GRM3: variants seen among roughly 807,000 people sequenced by gnomAD.
GRM3 encodes the protein metabotropic glutamate receptor 3.
A neutral mutation model predicts 70.5 loss-of-function variants in GRM3; 26 were observed. That is an observed-to-expected ratio of 0.37 (90% CI 0.27 to 0.51). The LOEUF is 0.51. GRM3 is among the 20% of genes least tolerant of loss of function. The pLI is 0.93. For missense variants in GRM3, 859 were observed against 1,123.8 expected (o/e 0.76, Z 3.37); for synonymous variants, 443 against 434.9 (o/e 1.02, Z -0.23).
chr7:86,844,235 C>T (rs1221001613), intron 4 of GRM3, among the ~76,000 whole-genome samples: 1 of 152,158 alleles, frequency 6.6e-6, no homozygotes, highest in Non-Finnish European at 1.5e-5. Context: ...TGTGTCACCC[C>T]TACTTTGCTG....
At chr7:86,777,912 A>C (rs1258619961) in intron 2 of GRM3, among the ~76,000 whole-genome samples, 1 of 152,144 alleles carries the variant, frequency 6.6e-6, no homozygotes, top group Non-Finnish European at 1.5e-5. Flanking sequence ...AACATCACAA[A>C]TTCTAGAACT....
At chr7:86,760,902 A>G (rs945823612) in intron 1 of GRM3, among the ~76,000 whole-genome samples, 1 of 152,090 alleles carries the variant, frequency 6.6e-6, no homozygotes, top group African/African-American at 2.4e-5. Flanking sequence ...CCCCCAACTT[A>G]TTTTTATGGT....
intron 3 of GRM3, among the ~76,000 whole-genome samples, chr7:86,821,614 G>C (rs914011636): frequency 2.6e-5 from 4 of 152,148 alleles, no homozygotes; most frequent in Non-Finnish European, 1.5e-5. Flanking sequence ...GACTCCAGGG[G>C]AAAATGATGC....
intron 3 of GRM3, among the ~76,000 whole-genome samples, chr7:86,806,605 TA>T (rs1281000378): frequency 6.6e-6 from 1 of 152,160 alleles, no homozygotes; most frequent in Non-Finnish European, 1.5e-5. Flanking sequence ...TGTTTGATTT[TA>T]TTCTTGTAAA....
At chr7:86,722,993 C>A (rs531931267) in intron 1 of GRM3, among the ~76,000 whole-genome samples, 3 of 151,998 alleles carry the variant, frequency 2.0e-5, no homozygotes, top group Non-Finnish European at 4.4e-5. Context: ...CTGGAGTTGA[C>A]AATTCTTAGT....
intron 1 of GRM3, among the ~76,000 whole-genome samples, chr7:86,672,568 G>A (rs1232491990): frequency 1.3e-5 from 2 of 151,952 alleles, no homozygotes; most frequent in African/African-American, 4.8e-5. Context: ...CATCTCAAGT[G>A]GTTGCCTGGG....
At chr7:86,742,476 G>T (rs1377804503) in intron 1 of GRM3, among the ~76,000 whole-genome samples, 2 of 152,108 alleles carry the variant, frequency 1.3e-5, no homozygotes, top group African/African-American at 4.8e-5. Context: ...GAGTGAAAAG[G>T]TCCTGAAAGA....
chr7:86,822,468 T>G (rs1393694476), intron 3 of GRM3, among the ~76,000 whole-genome samples: 1 of 151,580 alleles, frequency 6.6e-6, no homozygotes, highest in South Asian at 2.1e-4. Flanking sequence ...AGGATGTGAG[T>G]GATTTTACAG....
At chr7:86,710,566 T>TGG (rs1171125332) in intron 1 of GRM3, among the ~76,000 whole-genome samples, 9 of 8,124 alleles carry the variant, frequency 1.1e-3, no homozygotes, top group African/African-American at 4.8e-3. Flanking sequence ...GTGTGTGTGG[T>TGG]GGGGGGTGGG....
At chr7:86,717,973 T>A (rs1168185338) in intron 1 of GRM3, among the ~76,000 whole-genome samples, 1 of 151,882 alleles carries the variant, frequency 6.6e-6, no homozygotes, top group African/African-American at 2.4e-5. Flanking sequence ...CTAAGGGTAT[T>A]TTATTGATGT....
chr7:86,705,422 CAG>C (rs1397013048), intron 1 of GRM3, among the ~76,000 whole-genome samples: 2 of 152,010 alleles, frequency 1.3e-5, no homozygotes, highest in Admixed American at 1.3e-4. Flanking sequence ...AATTTTGAGA[CAG>C]ACTCTTCACA....
chr7:86,676,077 A>T (rs1022856599), intron 1 of GRM3, among the ~76,000 whole-genome samples: 1 of 151,952 alleles, frequency 6.6e-6, no homozygotes, highest in South Asian at 2.1e-4. Context: ...AACAAAAAAA[A>T]ACCAAAAATA....
In GRM3 at chr7:86,787,058, G is replaced by A. The variant is rs773308323; in HGVS notation, c.1266G>A (p.Met422Ile). 2 of 1,612,938 alleles carry A rather than the reference G, an allele frequency of 1.2e-6. No homozygotes were observed. Among genetic ancestry groups the A allele is most frequent in the South Asian group, 1.1e-5 (1 of 91,072 alleles). Residue 422 changes from methionine (M) to isoleucine (I), a missense_variant, in exon 3 of 6, where the codon ATG becomes ATA. Met to Ile is a conservative substitution (Grantham distance 10). Transcript: ENST00000361669. ...CPNTTKLCDA[M>I]KILDGKKLYK... The stretch of plus-strand genomic sequence containing the variant: ...ACACTACCAAGCTTTGTGATGCTAT[G>A]AAGATCCTGGATGGGAAGAAGTTGT...
chr7:86,812,117 A>T (rs1198756397), intron 3 of GRM3, among the ~76,000 whole-genome samples: 1 of 151,818 alleles, frequency 6.6e-6, no homozygotes, highest in African/African-American at 2.4e-5. Context: ...GCAGTTTATT[A>T]GTTTGAAATG....
intron 1 of GRM3, among the ~76,000 whole-genome samples, chr7:86,753,419 A>G (rs1796275423): frequency 6.6e-6 from 1 of 152,166 alleles, no homozygotes; most frequent in Non-Finnish European, 1.5e-5. Flanking sequence ...AAACCCTAAC[A>G]CAGTGGCTTT....
chr7:86,747,665 A>C (rs571879842), intron 1 of GRM3, among the ~76,000 whole-genome samples: 36 of 152,198 alleles, frequency 2.4e-4, no homozygotes, highest in African/African-American at 8.4e-4. Context: ...GACTGAATCC[A>C]TTTCCTGCTT....
intron 1 of GRM3, among the ~76,000 whole-genome samples, chr7:86,729,439 T>G (rs527315086): frequency 6.6e-6 from 1 of 152,252 alleles, no homozygotes; most frequent in African/African-American, 2.4e-5. Flanking sequence ...GTCCTATTAA[T>G]AGCAGAAAAA....
At chr7:86,645,075 G>C (rs142340812) in intron 1 of GRM3, 102 of 349,756 alleles carry the variant, frequency 2.9e-4, no homozygotes, top group Non-Finnish European at 5.1e-4. Context: ...GTGCGCCCAC[G>C]TCTGTGTCTG....
At chr7:86,709,509 C>A (rs1316032111) in intron 1 of GRM3, among the ~76,000 whole-genome samples, 1 of 152,030 alleles carries the variant, frequency 6.6e-6, no homozygotes, top group Non-Finnish European at 1.5e-5. Context: ...TTTCAACATT[C>A]TCTCAACCTC....
Sources: gnomAD v4.1 joint callset for allele counts (sites outside exome capture counted in the v4.1 genomes callset) on GRCh38, gnomAD v4.1.1 for gene constraint, MANE v1.5 for transcripts, NCBI Gene and HGNC (gene_info 2026-07-23, HGNC 2026-07-21) for gene names.